Variants in NDRG4 observed in about 807,000 individuals in gnomAD.
The protein encoded by NDRG4 is protein NDRG4.
In NDRG4, 38 loss-of-function variants were observed where a neutral mutation model predicts 55.8. The observed-to-expected ratio is 0.68, with a 90% confidence interval of 0.53 to 0.89. NDRG4 has a LOEUF of 0.89. NDRG4 is among the 40% of genes least tolerant of loss of function. The probability of loss-of-function intolerance (pLI) is 0.00; values close to 1 mark genes in which losing one functional copy is unlikely to be tolerated. For missense variants in NDRG4, 455 were observed against 468.6 expected, an observed-to-expected ratio of 0.97 and a Z score of 0.27; for synonymous variants, 190 against 182.7, an observed-to-expected ratio of 1.04 and a Z score of -0.32.
intron 1 of NDRG4, among the ~76,000 whole-genome samples, chr16:58,478,697 G>GTTTTTTTTTTTTTTTTTTTTTTTTTTT (rs59525801): frequency 1.5e-5 from 2 of 137,756 alleles, no homozygotes; most frequent in African/African-American, 2.7e-5. Flanking sequence ...TTTGTTTTTT[G>GTTTTTTTTTTTTTTTTTTTTTTTTTTT]TTTTTTTTTT....
intron 5 of NDRG4, chr16:58,506,163 T>G: frequency 3.0e-6 from 2 of 676,344 alleles, no homozygotes; most frequent in East Asian, 2.9e-5. Context: ...TGTGTCTGTG[T>G]GTGTGTAGGG....
At chr16:58,509,424 T>A in intron 13 of NDRG4, 72 bp downstream of exon 13, 1 of 1,532,704 alleles carries the variant, frequency 6.5e-7, no homozygotes, top group Non-Finnish European at 8.9e-7. Flanking sequence ...TTGGGGCTCC[T>A]GTTTGCAGGG....
At position 58,503,816 on chromosome 16, in the gene NDRG4, C is replaced by A; in HGVS notation, c.40C>A (p.Pro14Thr). ...CCTTCAGGAACATGACATCGAGACA[C>A]CCTACGGCCTTCTGCATGTAGTGAT... ...CWDGEHDIET[P>T]YGLLHVVIRG... Residue 14 changes from proline (P) to threonine (T), a missense_variant, in exon 2 of 15, where the codon CCC becomes ACC. By Grantham distance (38) the Pro-to-Thr change is conservative (BLOSUM62 -1). Coordinates refer to ENST00000570248, the MANE Select transcript of NDRG4 (RefSeq NM_001242835.2). 2 of 1,613,992 alleles carry A rather than the reference C, an allele frequency of 1.2e-6. No individual in the cohort carries two copies. Among genetic ancestry groups the A allele is most frequent in the Non-Finnish European group, 1.7e-6 (2 of 1,179,988 alleles).
intron 1 of NDRG4, among the ~76,000 whole-genome samples, chr16:58,486,137 C>T (rs1404977333): frequency 6.6e-6 from 1 of 152,090 alleles, no homozygotes; most frequent in African/African-American, 2.4e-5. Context: ...TTGCCAATGC[C>T]ATTGGCAAAA....
chr16:58,478,290 G>A (rs1286495771), intron 1 of NDRG4, among the ~76,000 whole-genome samples: 9 of 152,044 alleles, frequency 5.9e-5, no homozygotes, highest in Non-Finnish European at 1.0e-4. Flanking sequence ...TTGGGAGGCT[G>A]AGGCAGGAGA....
intron 8 of NDRG4, chr16:58,507,499 A>G: frequency 3.1e-6 from 1 of 319,418 alleles, no homozygotes; most frequent in South Asian, 6.6e-5. Context: ...CTAAGAAAAC[A>G]AAACAATAGA....
intron 1 of NDRG4, among the ~76,000 whole-genome samples, chr16:58,479,648 A>G (rs2034150367): frequency 6.6e-6 from 1 of 152,162 alleles, no homozygotes; most frequent in Admixed American, 6.5e-5. Context: ...GTCTGTGTGA[A>G]GAATGATTCA....
intron 1 of NDRG4, among the ~76,000 whole-genome samples, chr16:58,479,250 A>G (rs1361185217): frequency 6.6e-6 from 1 of 152,024 alleles, no homozygotes; most frequent in East Asian, 1.9e-4. Flanking sequence ...TCTTAATTGC[A>G]TATTTTAGAA....
At chr16:58,515,163 C>T (rs2039073430), downstream of NDRG4, among the ~76,000 whole-genome samples, 1 of 152,176 alleles carries the variant, frequency 6.6e-6, no homozygotes, top group Admixed American at 6.5e-5. Context: ...GCTCGCCGCC[C>T]AGTTGCGTCG....
intron 3 of NDRG4, 35 bp from the exon 4 acceptor site, chr16:58,504,324 C>T (rs1486372161): frequency 1.9e-6 from 3 of 1,613,852 alleles, no homozygotes; most frequent in Non-Finnish European, 2.5e-6. Flanking sequence ...CACCTGAGGC[C>T]ACACCTGGGC....
chr16:58,504,816 C>A, intron 5 of NDRG4, 167 bp downstream of exon 5: 3 of 670,252 alleles, frequency 4.5e-6, no homozygotes, highest in Middle Eastern at 4.0e-4. Flanking sequence ...TTTTTTCCTC[C>A]AGGGAAATTA....
intron 8 of NDRG4, 41 bp from the exon 9 acceptor site, chr16:58,507,767 G>C: frequency 6.2e-7 from 1 of 1,601,204 alleles, no homozygotes; most frequent in Non-Finnish European, 8.5e-7. Context: ...TCCTGTCCTG[G>C]GGTGCCCACC....
At chr16:58,492,348 G>A (rs984883240) in intron 2 of NDRG4, among the ~76,000 whole-genome samples, 2 of 152,024 alleles carry the variant, frequency 1.3e-5, no homozygotes, top group Non-Finnish European at 2.9e-5. Flanking sequence ...CTGTTCCCAC[G>A]GGACTTCAGG....
chr16:58,505,651 C>T (rs564061751), intron 5 of NDRG4, among the ~76,000 whole-genome samples: 169 of 148,966 alleles, frequency 1.1e-3, no homozygotes, highest in Non-Finnish European at 2.0e-3. Flanking sequence ...GCAATGCCTA[C>T]GGCAAAACAG....
intron 1 of NDRG4, among the ~76,000 whole-genome samples, chr16:58,478,971 T>C (rs996923123): frequency 6.6e-6 from 1 of 152,184 alleles, no homozygotes; most frequent in Non-Finnish European, 1.5e-5. Flanking sequence ...TGAGGATTTT[T>C]TTTTGGAAGT....
At chr16:58,501,175 T>C (rs1032328934) in intron 1 of NDRG4, 7 of 763,868 alleles carry the variant, frequency 9.2e-6, no homozygotes, top group African/African-American at 5.4e-5. Context: ...CCGCAGACGA[T>C]AGGTCACCCC....
At position 58,512,642 on chromosome 16, in the gene NDRG4, C is replaced by A. The variant is rs1406206609; in HGVS notation, c.*1066C>A. On this transcript the variant is annotated 3_prime_UTR_variant, in exon 15 of 15. Coordinates refer to ENST00000570248, the MANE Select transcript of NDRG4 (RefSeq NM_001242835.2). ...GTCCCACACCCCATAGCCGCCTGGG[C>A]TGGGGCTTACTGGGGGCTGAAGGTT... The A allele has an allele frequency of 6.4e-6, 1 of 156,104 alleles. No individual in the cohort carries two copies. The allele number at this position is 156,104 out of a possible 1,614,324, so 9.7% of individuals were successfully genotyped here.
At chr16:58,493,343 A>C (rs918733000) in intron 2 of NDRG4, among the ~76,000 whole-genome samples, 6 of 152,198 alleles carry the variant, frequency 3.9e-5, no homozygotes, top group Non-Finnish European at 8.8e-5. Context: ...GTCTCAGCTC[A>C]CTGCAACCTC....
At chr16:58,509,381 CACCT>C in intron 13 of NDRG4, 29 bp downstream of exon 13, 2 of 1,609,568 alleles carry the variant, frequency 1.2e-6, no homozygotes, top group Non-Finnish European at 1.7e-6. Flanking sequence ...CACCCCACAC[CACCT>C]AGAGACCGGT....
Sources: allele counts gnomAD v4.1 joint callset (sites outside exome capture counted in the v4.1 genomes callset), GRCh38; gene constraint gnomAD v4.1.1; transcripts MANE v1.5; gene names NCBI Gene and HGNC (gene_info 2026-07-23, HGNC 2026-07-21).